The following DLC1 variants were observed in gnomAD, a reference collection of about 807,000 sequenced individuals.
DLC1 encodes the protein rho GTPase-activating protein 7.
A neutral mutation model predicts 140.3 loss-of-function variants in DLC1; 54 were observed. The observed-to-expected ratio is 0.38, with a 90% CI of 0.31 to 0.48. DLC1 has a LOEUF of 0.48. Among genes scored for constraint, DLC1 ranks in the 20% least tolerant of loss-of-function variants. The pLI, the probability that DLC1 is intolerant of heterozygous loss-of-function variation, is 0.96. For missense variants in DLC1, 2,536 were observed against 1,907.0 expected, an observed-to-expected ratio of 1.33 and a Z score of -6.14; for synonymous variants, 986 against 728.1, an observed-to-expected ratio of 1.35 and a Z score of -5.70.
intron 5 of DLC1, among the ~76,000 whole-genome samples, chr8:13,140,134 A>G (rs1344648196): frequency 3.3e-5 from 5 of 152,174 alleles, no homozygotes; most frequent in Non-Finnish European, 7.3e-5. Context: ...TATGTCCTAT[A>G]GGCAGAATCA....
intron 4 of DLC1, among the ~76,000 whole-genome samples, chr8:13,366,721 G>C (rs1178741599): frequency 2.0e-5 from 3 of 152,114 alleles, no homozygotes; most frequent in Non-Finnish European, 4.4e-5. Flanking sequence ...TGCCCTCTCA[G>C]GACTCAGTGA....
At chr8:13,178,300 C>T (rs769698970) in intron 5 of DLC1, among the ~76,000 whole-genome samples, 15 of 152,224 alleles carry the variant, frequency 9.9e-5, no homozygotes, top group African/African-American at 3.1e-4. Flanking sequence ...CGGTGGCTCA[C>T]GCCTGTAATC....
chr8:13,268,293 A>T (rs1162349131), intron 5 of DLC1, among the ~76,000 whole-genome samples: 2 of 152,204 alleles, frequency 1.3e-5, no homozygotes, highest in African/African-American at 2.4e-5. Context: ...TGGCCAGTTC[A>T]TTAAGGATGA....
chr8:13,478,223 A>G (rs1469292157), intron 2 of DLC1, among the ~76,000 whole-genome samples: 2 of 151,884 alleles, frequency 1.3e-5, no homozygotes, highest in African/African-American at 4.8e-5. Context: ...GGGAGCAGGC[A>G]CATCACATGA....
At chr8:13,200,314 G>A (rs1246777785) in intron 5 of DLC1, among the ~76,000 whole-genome samples, 4 of 151,606 alleles carry the variant, frequency 2.6e-5, no homozygotes, top group Non-Finnish European at 5.9e-5. Flanking sequence ...TGCCCGCCTC[G>A]GCCTCCCAAA....
At chr8:13,426,303 T>C (rs1838580268) in intron 2 of DLC1, among the ~76,000 whole-genome samples, 1 of 152,080 alleles carries the variant, frequency 6.6e-6, no homozygotes, top group Admixed American at 6.5e-5. Context: ...CACAAATACT[T>C]TTCTTCTCCT....
intron 5 of DLC1, among the ~76,000 whole-genome samples, chr8:13,285,142 C>T (rs1024153690): frequency 6.6e-5 from 10 of 152,190 alleles, no homozygotes; most frequent in East Asian, 1.9e-4. Context: ...ACTGTAAAAG[C>T]GACAGTAATC....
chr8:13,582,878 CTATATATATATATATATATA>C (rs55681527), intron 1 of DLC1, among the ~76,000 whole-genome samples: 111 of 103,078 alleles, frequency 1.1e-3, no homozygotes, highest in Middle Eastern at 5.1e-3. Flanking sequence ...ATACTGTGGT[CTATATATATATATATATATA>C]TATATATATA....
At chr8:13,468,822 T>TTC (rs1800071300) in intron 2 of DLC1, among the ~76,000 whole-genome samples, 1 of 53,254 alleles carries the variant, frequency 1.9e-5, no homozygotes, top group South Asian at 6.4e-4. Flanking sequence ...TTTTTTTTTT[T>TTC]TTTTTTTTTT....
Position 13,462,063 on chromosome 8 carries a change from A to T in DLC1, c.1023+36986T>A, listed in dbSNP as rs534612772. On this transcript the variant is annotated intron_variant, in intron 2 of 17. Coordinates refer to ENST00000276297, the MANE Select transcript of DLC1 (RefSeq NM_182643.3). ...GTATTACAAATGGGATGGGCACATT[A>T]TAGGAATAGTAGGGGCAGAATGAGA... 4.3e-4 allele frequency among the ~76,000 whole-genome samples: 66 copies of T among 152,204 alleles called. No homozygotes were observed. In the Middle Eastern group the frequency reaches 0.01, roughly 24 times the overall value.
intron 2 of DLC1, among the ~76,000 whole-genome samples, chr8:13,467,502 C>G (rs893402188): frequency 6.6e-6 from 1 of 151,030 alleles, no homozygotes; most frequent in Admixed American, 6.6e-5. Context: ...TGGCTCACAC[C>G]TGTAATCCTA....
chr8:13,567,886 C>G (rs1240927434), intron 1 of DLC1: 50 of 1,551,890 alleles, frequency 3.2e-5, no homozygotes, highest in African/African-American at 1.5e-4. Context: ...ACCATTTTCT[C>G]TGCCATTTCT....
chr8:13,281,992 T>C (rs1351757314), intron 5 of DLC1, among the ~76,000 whole-genome samples: 1 of 152,198 alleles, frequency 6.6e-6, no homozygotes, highest in Admixed American at 6.5e-5. Flanking sequence ...CTAATGAGGA[T>C]ATAGACTAGA....
At position 13,358,276 on chromosome 8, in the gene DLC1, C is replaced by T. The variant is rs533378525; in HGVS notation, c.1314+35277G>A. On this transcript the variant is annotated intron_variant, in intron 4 of 17. Coordinates refer to ENST00000276297, the MANE Select transcript of DLC1 (RefSeq NM_182643.3). ...AAAATACACATACAAAATGTTTTCA[C>T]TTATGAATAAGCAACCTGAAGAACC... 6.6e-5 allele frequency among the ~76,000 whole-genome samples: 10 copies of T among 152,312 alleles called. No individual in the cohort carries two copies. The South Asian group carries it at 1.2e-3, about 19-fold the overall frequency.
intron 5 of DLC1, among the ~76,000 whole-genome samples, chr8:13,120,686 A>G (rs1820988347): frequency 6.6e-6 from 1 of 152,174 alleles, no homozygotes; most frequent in African/African-American, 2.4e-5. Flanking sequence ...CAAACAACAG[A>G]CAAATGCCGT....
chr8:13,466,737 G>T (rs942024023), intron 2 of DLC1, among the ~76,000 whole-genome samples: 1 of 152,060 alleles, frequency 6.6e-6, no homozygotes, highest in Non-Finnish European at 1.5e-5. Flanking sequence ...GATCTTCCTG[G>T]ATACCTTTAT....
chr8:13,567,998 C>G lies in DLC1; in HGVS notation c.-126+36539G>C, dbSNP rs769933681. 4.1e-6 allele frequency: 6 copies of G among 1,473,016 alleles called. 1 individual carries two copies. The South Asian group carries it at 4.3e-5, about 11-fold the overall frequency. 91.2% of individuals were successfully genotyped at this position (1,473,016 alleles called of 1,614,324 possible). On this transcript the variant is annotated intron_variant, in intron 1 of 1. Coordinates refer to the DLC1 transcript ENST00000631382. ...TGTATTTGAGTAATTACCATAATTTCTACAGGCACTTGGGAAACTAACTTA... is the reference window on the plus strand; with the variant it reads ...TGTATTTGAGTAATTACCATAATTTGTACAGGCACTTGGGAAACTAACTTA...
At chr8:13,201,429 T>A (rs964994090) in intron 5 of DLC1, among the ~76,000 whole-genome samples, 1 of 152,148 alleles carries the variant, frequency 6.6e-6, no homozygotes, top group Non-Finnish European at 1.5e-5. Context: ...ATTTTATACC[T>A]TCTGATAATA....
intron 7 of DLC1, among the ~76,000 whole-genome samples, chr8:13,108,706 T>C (rs1247988087): frequency 6.6e-6 from 1 of 152,232 alleles, no homozygotes; most frequent in Non-Finnish European, 1.5e-5. Context: ...CGTGAAATGA[T>C]GTAATGCTTA....
Sources: allele counts gnomAD v4.1 joint callset (sites outside exome capture counted in the v4.1 genomes callset), GRCh38; gene constraint gnomAD v4.1.1; transcripts MANE v1.5; gene names NCBI Gene and HGNC (gene_info 2026-07-23, HGNC 2026-07-21).